Variants in DKK3 observed in about 807,000 individuals in gnomAD.
DKK3 encodes the protein dickkopf Wnt signaling pathway inhibitor 3, also known as dickkopf-related protein 3.
In DKK3, 22 loss-of-function variants were observed where a neutral mutation model predicts 33.2. The ratio of observed to expected loss-of-function variants is 0.66; its 90% CI spans 0.47 to 0.95. DKK3 has a LOEUF of 0.95. Ranked by LOEUF, DKK3 falls within the 40% of genes least tolerant of loss-of-function variation. The pLI is 0.00. For synonymous variants in DKK3, 194 were observed against 188.8 expected, an observed-to-expected ratio of 1.03 and a Z score of -0.23; for missense variants, 398 against 458.4, an observed-to-expected ratio of 0.87 and a Z score of 1.20.
chr11:11,980,435 C>T (rs1179643975), intron 3 of DKK3, among the ~76,000 whole-genome samples: 2 of 152,200 alleles, frequency 1.3e-5, no homozygotes, highest in Non-Finnish European at 2.9e-5. Context: ...TCTCCACCTA[C>T]TCCAGCAACC....
intron 3 of DKK3, chr11:11,980,050 C>G (rs1419998511): frequency 6.6e-6 from 1 of 152,304 alleles, no homozygotes; most frequent in African/African-American, 2.4e-5. Flanking sequence ...TGTGGCAGCT[C>G]TCTGCTCTGA....
chr11:11,981,991 G>A (rs936112245), intron 3 of DKK3, among the ~76,000 whole-genome samples: 2 of 152,134 alleles, frequency 1.3e-5, no homozygotes, highest in Non-Finnish European at 2.9e-5. Context: ...ATCAGCTGCT[G>A]CAGGTGCTCC....
At chr11:11,965,109 C>CT (rs1231952428) in intron 6 of DKK3, among the ~76,000 whole-genome samples, 1 of 152,172 alleles carries the variant, frequency 6.6e-6, no homozygotes, top group Non-Finnish European at 1.5e-5. Context: ...GGAAGAATTC[C>CT]TTTTTTTAAA....
chr11:12,006,194 A>G (rs752574231), intron 1 of DKK3, among the ~76,000 whole-genome samples: 8 of 152,244 alleles, frequency 5.3e-5, no homozygotes, highest in South Asian at 2.1e-4. Flanking sequence ...GAATTAAGAG[A>G]CATTGGGGCC....
intron 3 of DKK3, among the ~76,000 whole-genome samples, chr11:11,977,324 G>T (rs1847854677): frequency 6.6e-6 from 1 of 151,524 alleles, no homozygotes; most frequent in African/African-American, 2.4e-5. Context: ...CCCACCTCCA[G>T]AGCTCCTCTG....
chr11:12,002,343 T>C lies in DKK3; in HGVS notation c.308A>G (p.Lys103Arg). ...CACATGGATGGTATTATTTCCAACC[T>C]TCGTGTCTGTGTTGGTCTCATTGTG... ...SYHNETNTDT[K>R]VGNNTIHVHR... Residue 103 changes from lysine (K) to arginine (R), a missense_variant, in exon 2 of 7, where the codon AAG (lysine) becomes AGG (arginine). Transcript: ENST00000683431. 1.2e-6 allele frequency: 2 copies of C among 1,614,148 alleles called. No homozygotes were observed. Among genetic ancestry groups the C allele is most frequent in the Non-Finnish European group, 1.7e-6 (2 of 1,179,990 alleles).
rs537917816 is a variant in DKK3 at position 12,003,281 on chromosome 11, G to A, written c.214-844C>T. On this transcript the variant is annotated intron_variant, in intron 1 of 6. Transcript: ENST00000683431. ...ACTCCCTGTAGGTAGGGCCACAGCT[G>A]TGTCTCCTTCCCCACCCTGCCTCTT... Among the ~76,000 whole-genome samples the A allele has an allele frequency of 3.9e-4, 59 of 152,262 alleles. 1 individual carries two copies. The South Asian group carries it at 0.012, about 30-fold the overall frequency.
At chr11:11,998,882 C>T (rs1012846680) in intron 2 of DKK3, 103 bp from the exon 3 acceptor site, 7 of 1,101,928 alleles carry the variant, frequency 6.4e-6, no homozygotes, top group African/African-American at 3.1e-5. Flanking sequence ...GCAGGAGCAT[C>T]CAGTATAGGA....
chr11:11,968,986 G>T (rs904978712), intron 3 of DKK3, among the ~76,000 whole-genome samples: 5 of 152,194 alleles, frequency 3.3e-5, no homozygotes, highest in Admixed American at 3.3e-4. Context: ...GCGCCCTCAG[G>T]GTCCTGGGTC....
At chr11:11,987,914 G>A (rs1848104853) in intron 3 of DKK3, among the ~76,000 whole-genome samples, 1 of 152,182 alleles carries the variant, frequency 6.6e-6, no homozygotes, top group Admixed American at 6.5e-5. Flanking sequence ...ACTGCTTCCT[G>A]CCACAAGGGG....
At chr11:11,969,137 G>A (rs531845369) in intron 3 of DKK3, among the ~76,000 whole-genome samples, 1 of 152,352 alleles carries the variant, frequency 6.6e-6, no homozygotes, top group South Asian at 2.1e-4. Flanking sequence ...GGGAGAGAAG[G>A]AGTGAGGGGA....
At chr11:11,972,653 G>A (rs916905984) in intron 3 of DKK3, among the ~76,000 whole-genome samples, 5 of 152,238 alleles carry the variant, frequency 3.3e-5, no homozygotes, top group African/African-American at 1.2e-4. Flanking sequence ...CTGAGTGGGT[G>A]GGTGGAGAGG....
chr11:12,009,659 T>A (rs890322552), upstream of DKK3: 2 of 985,442 alleles, frequency 2.0e-6, no homozygotes, highest in African/African-American at 3.5e-5. Context: ...CAAGCCAACC[T>A]CTGTCCTGTG....
At chr11:11,996,302 C>T (rs555907146) in intron 3 of DKK3, among the ~76,000 whole-genome samples, 17 of 152,304 alleles carry the variant, frequency 1.1e-4, no homozygotes, top group Admixed American at 3.3e-4. Flanking sequence ...TAGTCTTTAT[C>T]GCTTTCTATT....
chr11:11,991,062 C>A (rs2135072019), intron 3 of DKK3, among the ~76,000 whole-genome samples: 1 of 152,314 alleles, frequency 6.6e-6, no homozygotes, highest in South Asian at 2.1e-4. Flanking sequence ...CCTGCAGGTT[C>A]CACACTGCCC....
At chr11:11,999,604 GGC>G (rs1463494843) in intron 2 of DKK3, among the ~76,000 whole-genome samples, 1 of 152,080 alleles carries the variant, frequency 6.6e-6, no homozygotes, top group East Asian at 1.9e-4. Context: ...CTCCAGCCTG[GGC>G]GATAGAGTGA....
At chr11:11,977,547 C>T (rs1847858998) in intron 3 of DKK3, among the ~76,000 whole-genome samples, 1 of 152,212 alleles carries the variant, frequency 6.6e-6, no homozygotes, top group South Asian at 2.1e-4. Context: ...GTCATCCCAC[C>T]TGGGTTGGCA....
intron 1 of DKK3, among the ~76,000 whole-genome samples, chr11:12,002,737 C>G (rs1271997279): frequency 6.6e-6 from 1 of 152,240 alleles, no homozygotes; most frequent in Middle Eastern, 3.4e-3. Flanking sequence ...AAGGGTGGAG[C>G]TGGGATTTGA....
chr11:11,969,218 C>T (rs1224097102), intron 3 of DKK3, among the ~76,000 whole-genome samples: 1 of 152,188 alleles, frequency 6.6e-6, no homozygotes, highest in Non-Finnish European at 1.5e-5. Context: ...CTGCCATGGT[C>T]GCCGGTCACT....
Sources: gnomAD v4.1 joint callset for allele counts (sites outside exome capture counted in the v4.1 genomes callset) on GRCh38, gnomAD v4.1.1 for gene constraint, MANE v1.5 for transcripts, NCBI Gene and HGNC (gene_info 2026-07-23, HGNC 2026-07-21) for gene names.